NSMAF: variants seen among roughly 807,000 people sequenced by gnomAD.
NSMAF encodes the protein neutral sphingomyelinase activation associated factor.
NSMAF carries 90 observed loss-of-function variants against 134.9 expected under a neutral mutation model. The observed-to-expected ratio is 0.67, with a 90% CI of 0.56 to 0.79. The LOEUF (loss-of-function observed/expected upper bound fraction) is 0.79, where lower values mean the gene tolerates loss of function less well. Among genes scored for constraint, NSMAF ranks in the 30% least tolerant of loss-of-function variants. The pLI is 0.00. For missense variants in NSMAF, 1,010 were observed against 1,119.0 expected, an observed-to-expected ratio of 0.90 and a Z score of 1.39; for synonymous variants, 358 against 389.6, an observed-to-expected ratio of 0.92 and a Z score of 0.96.
At chr8:58,606,758 C>T (rs1806418924) in intron 11 of NSMAF, among the ~76,000 whole-genome samples, 2 of 152,172 alleles carry the variant, frequency 1.3e-5, no homozygotes, top group Admixed American at 6.5e-5. Context: ...CAAATACAGG[C>T]TTTCACCATG....
chr8:58,623,679 C>T (rs771336207), intron 7 of NSMAF, 30 bp downstream of exon 7: 1 of 1,592,302 alleles, frequency 6.3e-7, no homozygotes. Flanking sequence ...CCTCAGTTTG[C>T]TTTGAATTTT....
chr8:58,631,566 A>G lies in NSMAF; in HGVS notation c.334-20T>C, dbSNP rs909353032. The G allele has an allele frequency of 7.3e-7, 1 of 1,378,180 alleles. No homozygotes were observed. The highest frequency in any genetic ancestry group is 1.5e-5 in the African/African-American group (1 of 67,698). The allele number at this position is 1,378,180 out of a possible 1,614,324, so 85.4% of individuals were successfully genotyped here. Reference sequence around the variant, plus strand: ...ATATACCTGAGCAAGAAAAAGCAATACTTGTAAAATAATAACCAAAATGTT... The same window carrying G: ...ATATACCTGAGCAAGAAAAAGCAATGCTTGTAAAATAATAACCAAAATGTT... On this transcript the variant is annotated intron_variant, in intron 5 of 30. Transcript: ENST00000038176.
chr8:58,623,815 GAGA>G (rs1187697827), intron 6 of NSMAF, 35 bp from the exon 7 acceptor site: 9 of 1,535,692 alleles, frequency 5.9e-6, no homozygotes, highest in East Asian at 2.2e-5. Flanking sequence ...AATACAGGAA[GAGA>G]AGAAGTGTGC....
At chr8:58,647,575 T>A (rs1807488122) in intron 1 of NSMAF, among the ~76,000 whole-genome samples, 1 of 151,762 alleles carries the variant, frequency 6.6e-6, no homozygotes, top group African/African-American at 2.4e-5. Flanking sequence ...CACCATCCCC[T>A]TGGTGATAAA....
intron 9 of NSMAF, among the ~76,000 whole-genome samples, chr8:58,615,485 T>C (rs1031474455): frequency 6.6e-6 from 1 of 152,156 alleles, no homozygotes; most frequent in Non-Finnish European, 1.5e-5. Flanking sequence ...ACATAGAACA[T>C]ATTCTCTGAT....
Position 58,599,535 on chromosome 8 carries a change from G to T in NSMAF, c.1454-172C>A, listed in dbSNP as rs573531812. 7 of 928,074 alleles carry T rather than the reference G, an allele frequency of 7.5e-6. No individual in the cohort carries two copies. The East Asian group carries it at 1.1e-4, about 14-fold the overall frequency. 57.5% of individuals were successfully genotyped at this position (928,074 alleles called of 1,614,324 possible). A position where few individuals can be genotyped will look rare whatever the true frequency, so the allele number is the denominator to read the frequency against. On this transcript the variant is annotated intron_variant, in intron 18 of 30. Coordinates refer to ENST00000038176, the MANE Select transcript of NSMAF (RefSeq NM_003580.4). ...TGTAAGTTTTTTGGGGAAAAAAGTG[G>T]CAAGAATCATTTTCACATTAAGGTC...
chr8:58,654,218 A>C (rs1260205548), intron 1 of NSMAF, among the ~76,000 whole-genome samples: 1 of 152,236 alleles, frequency 6.6e-6, no homozygotes, highest in African/African-American at 2.4e-5. Flanking sequence ...ATTAAACCGA[A>C]GTACCACAAT....
intron 1 of NSMAF, among the ~76,000 whole-genome samples, chr8:58,657,636 T>C (rs1217116587): frequency 6.6e-6 from 1 of 152,252 alleles, no homozygotes. Context: ...GACAGATTCC[T>C]GTCATTCAAA....
At position 58,643,022 on chromosome 8, in the gene NSMAF, T is replaced by G; in HGVS notation, c.111A>C (p.Arg37Ser). 1 of 1,614,150 alleles carries G rather than the reference T, an allele frequency of 6.2e-7. No homozygotes were observed. The highest frequency in any genetic ancestry group is 8.5e-7 in the Non-Finnish European group (1 of 1,179,992). The change falls in exon 2 of 31, where the codon AGA (arginine) becomes AGC (serine). Residue 37 changes from arginine (R) to serine (S), a missense_variant. By Grantham distance (110) the Arg-to-Ser change is moderately radical. Coordinates refer to ENST00000038176, the MANE Select transcript of NSMAF (RefSeq NM_003580.4). ...TGCCCTTGTGCAAAATGTGATTGGC[T>G]CTATGCTGTTCAAAGTAGTACTCCT... The part of the protein sequence containing the change: ...NLEEYYFEQH[R>S]ANHILHKGSH...
At chr8:58,650,056 T>G (rs1225341304) in intron 1 of NSMAF, among the ~76,000 whole-genome samples, 1 of 152,220 alleles carries the variant, frequency 6.6e-6, no homozygotes, top group African/African-American at 2.4e-5. Flanking sequence ...ACTCAAACTC[T>G]CCCAGGATTT....
At chr8:58,594,149 A>T in intron 23 of NSMAF, 83 bp downstream of exon 23, 2 of 1,139,768 alleles carry the variant, frequency 1.8e-6, no homozygotes, top group Non-Finnish European at 2.7e-6. Flanking sequence ...ATGCAAGTGC[A>T]GTCCTTGACC....
Position 58,586,462 on chromosome 8 carries a change from G to A in NSMAF, c.2442C>T (p.Ser814=). Residue 814 remains serine (S), a synonymous_variant, in exon 28 of 31, where the codon AGC becomes AGT. Transcript: ENST00000038176. ...TTTAAAAAGGATAATATCTACCTGG[G>A]CTAAAAGCAGTGTCACATACAATCC... ...HSGIVCDTAF[S]PDSRHVLSTG... 1.9e-6 allele frequency: 3 copies of A among 1,606,562 alleles called. No homozygotes were observed. Among genetic ancestry groups the A allele is most frequent in the South Asian group, 2.2e-5 (2 of 91,072 alleles).
intron 1 of NSMAF, among the ~76,000 whole-genome samples, chr8:58,649,192 T>C (rs1238439835): frequency 2.6e-5 from 4 of 152,088 alleles, no homozygotes; most frequent in African/African-American, 9.7e-5. Context: ...TATTGTGGAG[T>C]TTTAAGATTT....
intron 22 of NSMAF, 181 bp from the exon 23 acceptor site, chr8:58,594,471 T>A: frequency 1.7e-6 from 1 of 598,536 alleles, no homozygotes; most frequent in Non-Finnish European, 3.0e-6. Context: ...CTTCTAACGT[T>A]CTGGCAACGC....
At chr8:58,613,717 T>G (rs1037446135) in intron 9 of NSMAF, among the ~76,000 whole-genome samples, 1 of 152,042 alleles carries the variant, frequency 6.6e-6, no homozygotes, top group African/African-American at 2.4e-5. Flanking sequence ...ATAAATACTA[T>G]TATATTATAA....
chr8:58,655,600 T>C (rs1317010611), intron 1 of NSMAF, among the ~76,000 whole-genome samples: 2 of 152,106 alleles, frequency 1.3e-5, no homozygotes, highest in African/African-American at 2.4e-5. Context: ...TGTATACACC[T>C]GCCATCCCTG....
At chr8:58,612,317 G>C (rs1255171152) in intron 9 of NSMAF, among the ~76,000 whole-genome samples, 1 of 152,130 alleles carries the variant, frequency 6.6e-6, no homozygotes, top group East Asian at 1.9e-4. Flanking sequence ...TAAACTATGA[G>C]GCTGGGAGAG....
intron 21 of NSMAF, among the ~76,000 whole-genome samples, 199 bp downstream of exon 21, chr8:58,597,188 T>C (rs150799495): frequency 5.9e-5 from 9 of 152,328 alleles, no homozygotes; most frequent in African/African-American, 1.9e-4. Context: ...AGCGATTTGA[T>C]TTCCCTTACA....
At chr8:58,623,303 T>A (rs1362354605) in intron 8 of NSMAF, 31 bp from the exon 9 acceptor site, 14 of 1,086,542 alleles carry the variant, frequency 1.3e-5, no homozygotes, top group African/African-American at 1.8e-5. Flanking sequence ...AAAAAGTATT[T>A]ATAAGTATTT....
Sources: gnomAD v4.1 joint callset for allele counts (sites outside exome capture counted in the v4.1 genomes callset) on GRCh38, gnomAD v4.1.1 for gene constraint, MANE v1.5 for transcripts, NCBI Gene and HGNC (gene_info 2026-07-23, HGNC 2026-07-21) for gene names.